PTPRK: variants seen among roughly 807,000 people sequenced by gnomAD.
PTPRK encodes the protein receptor-type tyrosine-protein phosphatase kappa.
Under a neutral mutation model 178.0 loss-of-function variants are expected in PTPRK, and 75 were observed. The ratio of observed to expected loss-of-function variants is 0.42; its 90% confidence interval spans 0.35 to 0.51. The LOEUF is 0.51. Among genes scored for constraint, PTPRK ranks in the 20% least tolerant of loss-of-function variants. PTPRK has a pLI of 0.02. For missense variants in PTPRK, 1,441 were observed against 1,797.8 expected (o/e 0.80, Z 3.59); for synonymous variants, 637 against 620.6 (o/e 1.03, Z -0.39).
chr6:128,345,246 T>G (rs1832273558), intron 2 of PTPRK, among the ~76,000 whole-genome samples: 1 of 152,168 alleles, frequency 6.6e-6, no homozygotes, highest in South Asian at 2.1e-4. Flanking sequence ...CTTTTTAATA[T>G]GGAATATATA....
chr6:128,083,739 T>G lies in PTPRK; in HGVS notation c.1551A>C (p.Pro517=). Residue 517 remains proline (P), a synonymous_variant, in exon 9 of 30, where the codon CCA becomes CCC. Coordinates refer to ENST00000368226, the MANE Select transcript of PTPRK (RefSeq NM_002844.4). Reference sequence around the variant, plus strand: ...CCTCATATTGAGTGATGATTCCATTTGGATCCAAAGGTTCTTTCCAGTTCA... The same window carrying G: ...CCTCATATTGAGTGATGATTCCATTGGGATCCAAAGGTTCTTTCCAGTTCA... ...IFLNWKEPLD[P]NGIITQYEIS... is the part of the protein sequence containing the mutation. The G allele has an allele frequency of 6.2e-7, 1 of 1,601,562 alleles. No individual in the cohort carries two copies. The highest frequency in any genetic ancestry group is 8.5e-7 in the Non-Finnish European group (1 of 1,171,358).
At chr6:128,478,673 T>C (rs1437726335) in intron 1 of PTPRK, among the ~76,000 whole-genome samples, 1 of 152,154 alleles carries the variant, frequency 6.6e-6, no homozygotes, top group East Asian at 1.9e-4. Flanking sequence ...GGGTGTTTGC[T>C]ATTCAGCAGA....
Position 128,518,318 on chromosome 6 carries a change from A to C in PTPRK, c.100+1941T>G, listed in dbSNP as rs537667899. Among the ~76,000 whole-genome samples the C allele has an allele frequency of 1.3e-3, 203 of 152,356 alleles. 1 individual carries two copies. The highest frequency in any genetic ancestry group is 1.9e-3 in the Non-Finnish European group (131 of 68,026). ...TAGATATCTAAGAACACAATTGTTT[A>C]TTGTACGTATCTAAACTCCAGGTAT... On this transcript the variant is annotated intron_variant, in intron 1 of 29. Coordinates refer to ENST00000368226, the MANE Select transcript of PTPRK (RefSeq NM_002844.4).
At chr6:128,020,760 A>C (rs1773384207) in intron 13 of PTPRK, among the ~76,000 whole-genome samples, 1 of 151,842 alleles carries the variant, frequency 6.6e-6, no homozygotes. Context: ...ACCTATTCCC[A>C]CTCTGCTTAT....
At chr6:128,329,034 A>G (rs1829929731) in intron 2 of PTPRK, among the ~76,000 whole-genome samples, 1 of 152,196 alleles carries the variant, frequency 6.6e-6, no homozygotes, top group African/African-American at 2.4e-5. Flanking sequence ...CTATATTTCA[A>G]TGTTATTGAT....
intron 3 of PTPRK, among the ~76,000 whole-genome samples, chr6:128,261,625 C>T (rs1323657911): frequency 4.6e-5 from 7 of 152,150 alleles, no homozygotes; most frequent in Non-Finnish European, 8.8e-5. Context: ...CTGTATCTGT[C>T]TACATAGTAG....
intron 1 of PTPRK, among the ~76,000 whole-genome samples, chr6:128,471,733 T>C (rs34478800): frequency 0.086 from 12,980 of 151,652 alleles, 855 homozygotes; most frequent in African/African-American, 0.19. Context: ...TTTTTACCTA[T>C]AAGCTAGTGG....
chr6:128,235,363 ATTAT>A (rs1488747112), intron 5 of PTPRK: 1 of 167,060 alleles, frequency 6.0e-6, no homozygotes, highest in Non-Finnish European at 1.4e-5. Context: ...CTGTAAGAAA[ATTAT>A]TTGACACTTC....
intron 2 of PTPRK, among the ~76,000 whole-genome samples, chr6:128,346,212 T>A (rs899629076): frequency 6.6e-6 from 1 of 152,162 alleles, no homozygotes; most frequent in East Asian, 1.9e-4. Context: ...ACCTGGGAGA[T>A]CATTTGATTG....
intron 7 of PTPRK, among the ~76,000 whole-genome samples, chr6:128,107,597 A>T (rs1376236981): frequency 1.3e-5 from 2 of 152,222 alleles, no homozygotes; most frequent in African/African-American, 4.8e-5. Flanking sequence ...TAAAAGAATG[A>T]TCAGTTATTT....
Position 128,520,545 on chromosome 6 carries a change from G to A in PTPRK, c.-187C>T. 3.4e-6 allele frequency: 2 copies of A among 581,206 alleles called. No individual in the cohort carries two copies. Among genetic ancestry groups the A allele is most frequent in the South Asian group, 2.2e-5 (1 of 46,246 alleles). 36.0% of individuals were successfully genotyped at this position (581,206 alleles called of 1,614,324 possible). A position where few individuals can be genotyped will look rare whatever the true frequency, so the allele number is the denominator to read the frequency against. ...CAGGGGCGAAAGCGTCGCCAGCGTC[G>A]CCGGCCGGCCGCGGCGGCAGCTCTC... On this transcript the variant is annotated 5_prime_UTR_variant, in exon 1 of 30. Transcript: ENST00000368226.
At position 127,999,108 on chromosome 6, in the gene PTPRK, A is replaced by G. The variant is rs181797082; in HGVS notation, c.2495-204T>C. ...TTTCAGGTGAGAGTATATTATGTGT[A>G]TATCAGCAAGACAACAGACACTGTG... On this transcript the variant is annotated intron_variant, in intron 15 of 29. Coordinates refer to ENST00000368226, the MANE Select transcript of PTPRK (RefSeq NM_002844.4). Among the ~76,000 whole-genome samples, 287 of 152,230 alleles carry G rather than the reference A, an allele frequency of 1.9e-3. 1 individual carries two copies. Among genetic ancestry groups the G allele is most frequent in the Middle Eastern group, 3.4e-3 (1 of 294 alleles).
intron 3 of PTPRK, among the ~76,000 whole-genome samples, chr6:128,295,095 T>C (rs1203736361): frequency 6.6e-6 from 1 of 152,130 alleles, no homozygotes; most frequent in Non-Finnish European, 1.5e-5. Flanking sequence ...TTTCAAAATT[T>C]AACTATATGA....
At chr6:128,364,455 C>T (rs1835203861) in intron 2 of PTPRK, among the ~76,000 whole-genome samples, 1 of 151,950 alleles carries the variant, frequency 6.6e-6, no homozygotes, top group South Asian at 2.1e-4. Flanking sequence ...TACTTAGAAA[C>T]ATATAATTGA....
At chr6:128,399,091 A>G (rs1420332214) in intron 1 of PTPRK, among the ~76,000 whole-genome samples, 1 of 152,156 alleles carries the variant, frequency 6.6e-6, no homozygotes, top group African/African-American at 2.4e-5. Flanking sequence ...CAAATAGTGT[A>G]TTTGTTCAGT....
At chr6:127,974,903 A>C (rs895038734) in intron 27 of PTPRK, among the ~76,000 whole-genome samples, 7 of 152,196 alleles carry the variant, frequency 4.6e-5, no homozygotes, top group Admixed American at 2.6e-4. Flanking sequence ...CAAAACCTTA[A>C]ACCTTGAAAT....
At chr6:128,218,900 A>T in intron 6 of PTPRK, 22 bp downstream of exon 6, 1 of 1,588,566 alleles carries the variant, frequency 6.3e-7, no homozygotes. Context: ...AATTTCGTGA[A>T]GTGAAAACAA....
Position 127,981,117 on chromosome 6 carries a change from T to C in PTPRK, c.3710A>G (p.Asp1237Gly), listed in dbSNP as rs1368891495. ...CTAACAAAGAGGGCAGTCTCTTACG[T>C]CCATAAGAGCAGCATTGATGTAGTT... Reference protein sequence around the residue: ...SSNYINAALMDSYRQPAAFIV... With the variant: ...SSNYINAALMGSYRQPAAFIV... The change falls in exon 25 of 30, where the codon GAC becomes GGC. Residue 1237 changes from aspartate (D) to glycine (G), a missense_variant and splice_region_variant. By Grantham distance (94) the Asp-to-Gly change is moderately conservative (BLOSUM62 -1). Transcript: ENST00000368226. 6.2e-7 allele frequency: 1 copy of C among 1,612,784 alleles called. No individual in the cohort carries two copies. Among genetic ancestry groups the C allele is most frequent in the Non-Finnish European group, 8.5e-7 (1 of 1,179,122 alleles).
intron 3 of PTPRK, among the ~76,000 whole-genome samples, chr6:128,249,073 G>C (rs1816004750): frequency 6.6e-6 from 1 of 152,024 alleles, no homozygotes. Context: ...AGCCAAAGAA[G>C]TTTCCATTAT....
Sources: gnomAD v4.1 joint callset for allele counts (sites outside exome capture counted in the v4.1 genomes callset) on GRCh38, gnomAD v4.1.1 for gene constraint, MANE v1.5 for transcripts, NCBI Gene and HGNC (gene_info 2026-07-23, HGNC 2026-07-21) for gene names.